ADAMTS19: variants seen among roughly 807,000 people sequenced by gnomAD.
ADAMTS19 encodes the protein A disintegrin and metalloproteinase with thrombospondin motifs 19.
ADAMTS19 carries 93 observed loss-of-function variants against 153.3 expected under a neutral mutation model. That is an observed-to-expected ratio of 0.61 (90% CI 0.51 to 0.72). The LOEUF (loss-of-function observed/expected upper bound fraction) is 0.72. Among genes scored for constraint, ADAMTS19 ranks in the 30% least tolerant of loss-of-function variants. The pLI, the probability that ADAMTS19 is intolerant of heterozygous loss-of-function variation, is 0.00. For missense variants in ADAMTS19, 1,482 were observed against 1,552.1 expected (o/e 0.95, Z 0.76); for synonymous variants, 600 against 556.6 (o/e 1.08, Z -1.10).
intron 4 of ADAMTS19, 147 bp downstream of exon 4, chr5:129,526,603 A>G: frequency 1.4e-6 from 1 of 710,798 alleles, no homozygotes; most frequent in Non-Finnish European, 2.1e-6. Context: ...TTAGGTATAT[A>G]AAATTGATCC....
At chr5:129,664,077 G>A (rs1753930860) in intron 15 of ADAMTS19, among the ~76,000 whole-genome samples, 1 of 150,430 alleles carries the variant, frequency 6.6e-6, no homozygotes, top group Non-Finnish European at 1.5e-5. Context: ...TGTTTCCCAA[G>A]TATGAGTAAT....
At chr5:129,503,539 C>G (rs888476393) in intron 2 of ADAMTS19, among the ~76,000 whole-genome samples, 3 of 152,074 alleles carry the variant, frequency 2.0e-5, no homozygotes, top group Non-Finnish European at 4.4e-5. Flanking sequence ...TGAGAAAATA[C>G]TTAAGAAAAT....
At chr5:129,698,171 A>T (rs536747862) in intron 19 of ADAMTS19, among the ~76,000 whole-genome samples, 1 of 152,278 alleles carries the variant, frequency 6.6e-6, no homozygotes, top group Admixed American at 6.5e-5. Flanking sequence ...TTTGTTAGAG[A>T]TTATTATCTC....
At chr5:129,516,241 GTTTTT>G (rs1328927849) in intron 3 of ADAMTS19, among the ~76,000 whole-genome samples, 1 of 137,198 alleles carries the variant, frequency 7.3e-6, no homozygotes, top group Admixed American at 7.2e-5. Flanking sequence ...TTAGCCTGTA[GTTTTT>G]TTTTTAATTT....
Position 129,613,025 on chromosome 5 carries a change from G to A in ADAMTS19, c.1479-7593G>A, listed in dbSNP as rs374230072. ...ATATGCACCCAATGCAGGAGCACCC[G>A]GATTCATAAAACAAGTCCTTAGAGA... On this transcript the variant is annotated intron_variant, in intron 8 of 22. Transcript: ENST00000274487. Among the ~76,000 whole-genome samples, 231 of 152,060 alleles carry A rather than the reference G, an allele frequency of 1.5e-3. 4 individuals are homozygous for A. The East Asian group carries it at 0.026, about 17-fold the overall frequency.
At position 129,701,604 on chromosome 5, in the gene ADAMTS19, C is replaced by T. The variant is rs553329651; in HGVS notation, c.3159+12C>T. The T allele has an allele frequency of 1.2e-6, 2 of 1,612,604 alleles. No individual in the cohort carries two copies. The highest frequency in any genetic ancestry group is 1.7e-4 in the Middle Eastern group (1 of 6,016). ...GAGTGTGGTCTGAGGTGCATACATG[C>T]CCCCTTTCTTTCCCCATTCCTACTC... is the stretch of plus-strand genomic sequence containing the variant. On this transcript the variant is annotated intron_variant, in intron 20 of 22. Transcript: ENST00000274487.
rs1428536204 is a variant in ADAMTS19, at chr5:129,643,468, T to A, written c.1872+1508T>A. Among the ~76,000 whole-genome samples the A allele has an allele frequency of 2.6e-5, 4 of 151,836 alleles. No homozygotes were observed. In the East Asian group the frequency reaches 5.8e-4, roughly 22 times the overall value. On this transcript the variant is annotated intron_variant, in intron 11 of 22. Coordinates refer to ENST00000274487, the MANE Select transcript of ADAMTS19 (RefSeq NM_133638.6). ...TTGGGAGGGAAGTAGAATTGATGGA[T>A]TGATGGCTGGGAGTACATCAATGAG...
chr5:129,716,506 A>G (rs954707083), intron 21 of ADAMTS19, among the ~76,000 whole-genome samples: 1 of 151,946 alleles, frequency 6.6e-6, no homozygotes, highest in Non-Finnish European at 1.5e-5. Flanking sequence ...CCTCATCTTT[A>G]AAATATACAT....
chr5:129,675,754 G>C (rs1754521946), intron 16 of ADAMTS19, among the ~76,000 whole-genome samples: 1 of 152,114 alleles, frequency 6.6e-6, no homozygotes, highest in African/African-American at 2.4e-5. Context: ...GTCTTGGTCA[G>C]CTGGGCACAG....
Position 129,528,504 on chromosome 5 carries a change from C to A in ADAMTS19, c.1171-16C>A, listed in dbSNP as rs1395180773. ...TAAGAATAATATGCCTTGTGATGAG[C>A]TCTGTTCTTTTGCAGCCAGAACTAT... On this transcript the variant is annotated splice_polypyrimidine_tract_variant and intron_variant, in intron 5 of 22. Coordinates refer to ENST00000274487, the MANE Select transcript of ADAMTS19 (RefSeq NM_133638.6). 1.9e-6 allele frequency: 3 copies of A among 1,555,850 alleles called. No homozygotes were observed. Among genetic ancestry groups the A allele is most frequent in the African/African-American group, 1.4e-5 (1 of 71,280 alleles).
intron 7 of ADAMTS19, among the ~76,000 whole-genome samples, chr5:129,572,196 A>G (rs1753935185): frequency 6.6e-6 from 1 of 151,982 alleles, no homozygotes; most frequent in Non-Finnish European, 1.5e-5. Flanking sequence ...GGATTAAAAT[A>G]CAAGTAATAG....
intron 7 of ADAMTS19, among the ~76,000 whole-genome samples, chr5:129,567,494 T>G (rs1753757777): frequency 6.6e-6 from 1 of 152,040 alleles, no homozygotes; most frequent in Non-Finnish European, 1.5e-5. Context: ...GTAGAAAGTC[T>G]TAGTAAATAA....
chr5:129,595,118 T>G (rs571394557), intron 7 of ADAMTS19, among the ~76,000 whole-genome samples: 1 of 152,306 alleles, frequency 6.6e-6, no homozygotes, highest in South Asian at 2.1e-4. Context: ...TTCTACCTTT[T>G]GCTTAAAGAT....
At chr5:129,532,946 T>C (rs1417446299) in intron 6 of ADAMTS19, among the ~76,000 whole-genome samples, 2 of 152,038 alleles carry the variant, frequency 1.3e-5, no homozygotes, top group African/African-American at 4.8e-5. Context: ...CTACCAAAAA[T>C]ACAAAAGTTA....
intron 2 of ADAMTS19, among the ~76,000 whole-genome samples, chr5:129,476,482 G>C (rs1197782086): frequency 2.0e-5 from 3 of 151,980 alleles, no homozygotes; most frequent in Non-Finnish European, 4.4e-5. Context: ...ACGGACAAAT[G>C]AACAAAACCC....
intron 3 of ADAMTS19, among the ~76,000 whole-genome samples, chr5:129,517,160 C>T (rs1751643110): frequency 6.6e-6 from 1 of 151,650 alleles, no homozygotes; most frequent in African/African-American, 2.4e-5. Context: ...TATTATATTA[C>T]TTCAATTTTT....
intron 7 of ADAMTS19, among the ~76,000 whole-genome samples, chr5:129,555,405 T>G (rs1353204395): frequency 3.3e-5 from 5 of 152,126 alleles, no homozygotes. Context: ...AAATCTGAAC[T>G]CCCTAGTTTT....
At chr5:129,657,800 C>T (rs1367427668) in intron 14 of ADAMTS19, among the ~76,000 whole-genome samples, 1 of 152,148 alleles carries the variant, frequency 6.6e-6, no homozygotes, top group Non-Finnish European at 1.5e-5. Context: ...TTAGCACTTA[C>T]TTTACAATCA....
rs1749268754 is a variant in ADAMTS19, at chr5:129,578,087, CATATACAT to C, written c.1373-18470_1373-18463del. Among the ~76,000 whole-genome samples the C allele has an allele frequency of 7.7e-5, 3 of 38,794 alleles. No individual in the cohort carries two copies. In the East Asian group the frequency reaches 2.8e-3, roughly 36 times the overall value. 25.5% of individuals were successfully genotyped at this position (38,794 alleles called of 152,430 possible). ...ACACACACACACACACACATATATA[CATATACAT>C]ACATATACATATGCATGTATATGTA... On this transcript the variant is annotated intron_variant, in intron 7 of 22. Transcript: ENST00000274487.
Sources: allele counts gnomAD v4.1 joint callset (sites outside exome capture counted in the v4.1 genomes callset), GRCh38; gene constraint gnomAD v4.1.1; transcripts MANE v1.5; gene names NCBI Gene and HGNC (gene_info 2026-07-23, HGNC 2026-07-21).